Variants in GTF2E2 observed in about 807,000 individuals in gnomAD.
The protein encoded by GTF2E2 is general transcription factor IIE subunit 2.
Under a neutral mutation model 40.5 loss-of-function variants are expected in GTF2E2, and 21 were observed. The observed-to-expected ratio is 0.52, with a 90% CI of 0.37 to 0.75. The LOEUF (loss-of-function observed/expected upper bound fraction) is 0.75, where lower values mean the gene tolerates loss of function less well. Ranked by LOEUF, GTF2E2 falls within the 30% of genes least tolerant of loss-of-function variation. The probability of loss-of-function intolerance (pLI) is 0.00; values close to 1 mark genes in which losing one functional copy is unlikely to be tolerated. For missense variants in GTF2E2, 298 were observed against 338.4 expected, an observed-to-expected ratio of 0.88 and a Z score of 0.94; for synonymous variants, 117 against 121.6, an observed-to-expected ratio of 0.96 and a Z score of 0.25.
chr8:30,598,589 T>C (rs757778474), intron 6 of GTF2E2, among the ~76,000 whole-genome samples: 5 of 152,228 alleles, frequency 3.3e-5, no homozygotes, highest in Non-Finnish European at 7.3e-5. Context: ...TCAATGCTGT[T>C]GCAATATTTA....
chr8:30,623,779 T>C (rs1801184019), intron 3 of GTF2E2, among the ~76,000 whole-genome samples: 1 of 152,116 alleles, frequency 6.6e-6, no homozygotes, highest in African/African-American at 2.4e-5. Flanking sequence ...ATGATGAGCA[T>C]TTTTTCATGT....
intron 3 of GTF2E2, among the ~76,000 whole-genome samples, chr8:30,631,419 C>T (rs796546390): frequency 1.3e-5 from 2 of 152,158 alleles, no homozygotes; most frequent in African/African-American, 4.8e-5. Context: ...ATTAGGGAGG[C>T]TGATTCCTTT....
At chr8:30,609,313 A>G (rs1585960782) in intron 5 of GTF2E2, among the ~76,000 whole-genome samples, 1 of 147,144 alleles carries the variant, frequency 6.8e-6, no homozygotes, top group East Asian at 2.0e-4. Context: ...TACTCACTGG[A>G]GCATTTTGGA....
chr8:30,617,844 G>C (rs960541350), intron 3 of GTF2E2, among the ~76,000 whole-genome samples: 2 of 152,002 alleles, frequency 1.3e-5, no homozygotes, highest in Non-Finnish European at 2.9e-5. Context: ...GACCTTGAAT[G>C]ACGACATGAT....
chr8:30,631,410 T>C (rs1440174263), intron 3 of GTF2E2, among the ~76,000 whole-genome samples: 3 of 152,206 alleles, frequency 2.0e-5, no homozygotes, highest in Non-Finnish European at 4.4e-5. Flanking sequence ...ACAATATCAA[T>C]TAGGGAGGCT....
intron 3 of GTF2E2, 84 bp downstream of exon 3, chr8:30,634,948 A>G: frequency 1.4e-6 from 1 of 709,704 alleles, no homozygotes; most frequent in Non-Finnish European, 2.4e-6. Flanking sequence ...TGATGTATAC[A>G]GAAATTTAAC....
At chr8:30,610,060 G>A (rs1042114867) in intron 5 of GTF2E2, among the ~76,000 whole-genome samples, 1 of 152,116 alleles carries the variant, frequency 6.6e-6, no homozygotes, top group African/African-American at 2.4e-5. Context: ...TTATAGCATT[G>A]CAAGAATAGA....
chr8:30,623,733 T>C (rs1413045715), intron 3 of GTF2E2, among the ~76,000 whole-genome samples: 3 of 152,192 alleles, frequency 2.0e-5, no homozygotes, highest in African/African-American at 4.8e-5. Context: ...TGGTATCTCA[T>C]TGTGGTTTTG....
intron 3 of GTF2E2, among the ~76,000 whole-genome samples, chr8:30,624,734 TG>T (rs1230348602): frequency 6.6e-6 from 1 of 152,078 alleles, no homozygotes; most frequent in Non-Finnish European, 1.5e-5. Flanking sequence ...TCACATCCCT[TG>T]TAAGTTGGAT....
chr8:30,625,347 T>A (rs1801239603), intron 3 of GTF2E2, among the ~76,000 whole-genome samples: 1 of 152,142 alleles, frequency 6.6e-6, no homozygotes, highest in African/African-American at 2.4e-5. Context: ...CAGCCTTGCA[T>A]CCCAGGGTGA....
intron 6 of GTF2E2, among the ~76,000 whole-genome samples, chr8:30,602,754 CAAA>C (rs35330702): frequency 1.1e-5 from 1 of 91,994 alleles, no homozygotes; most frequent in African/African-American, 4.8e-5. Context: ...AACTCCGTCT[CAAA>C]AAAAAAAAAA....
intron 2 of GTF2E2, among the ~76,000 whole-genome samples, chr8:30,652,473 A>G (rs547757210): frequency 2.0e-5 from 3 of 152,276 alleles, no homozygotes; most frequent in African/African-American, 7.2e-5. Context: ...ACAATGTTCA[A>G]CATCATTACT....
In GTF2E2 at chr8:30,653,516, G is replaced by A; in HGVS notation, c.83C>T (p.Ser28Phe). ...STPVVEKRSA[S>F]SESSSSSSKK... ...TGACGATGATGATGATGACTCAGAAGATGCTGAACGTTTTTCTACTACAGG... is the reference window on the plus strand; with the variant it reads ...TGACGATGATGATGATGACTCAGAAAATGCTGAACGTTTTTCTACTACAGG... The change falls in exon 2 of 8, where the codon TCT becomes TTT. Residue 28 changes from serine to phenylalanine, a missense_variant. Ser to Phe is a radical substitution (Grantham distance 155, BLOSUM62 -2). Transcript: ENST00000355904. 4 of 1,613,168 alleles carry A rather than the reference G, an allele frequency of 2.5e-6. No homozygotes were observed. The highest frequency in any genetic ancestry group is 1.1e-5 in the South Asian group (1 of 91,042).
In GTF2E2 at chr8:30,658,170, T is replaced by C. The variant is rs1802509318; in HGVS notation, c.-202A>G. The C allele has an allele frequency of 1.1e-5, 2 of 179,490 alleles. No homozygotes were observed. Among genetic ancestry groups the C allele is most frequent in the Non-Finnish European group, 2.3e-5 (2 of 88,718 alleles). The allele number at this position is 179,490 out of a possible 1,614,324, so 11.1% of individuals were successfully genotyped here. A position where few individuals can be genotyped will look rare whatever the true frequency, so the allele number is the denominator to read the frequency against. ...GCGGCGGCGGCGGCGGCAGCGGCGGTAGCTGAGGCGGCGACTGGACCCGGG... is the reference window on the plus strand; with the variant it reads ...GCGGCGGCGGCGGCGGCAGCGGCGGCAGCTGAGGCGGCGACTGGACCCGGG... On this transcript the variant is annotated 5_prime_UTR_variant, in exon 1 of 8. Coordinates refer to ENST00000355904, the MANE Select transcript of GTF2E2 (RefSeq NM_002095.6).
At chr8:30,625,428 C>T (rs1415063853) in intron 3 of GTF2E2, among the ~76,000 whole-genome samples, 1 of 152,060 alleles carries the variant, frequency 6.6e-6, no homozygotes, top group Non-Finnish European at 1.5e-5. Context: ...CTCTAAGGTT[C>T]CACAAGAAAT....
intron 2 of GTF2E2, among the ~76,000 whole-genome samples, chr8:30,639,818 A>G (rs1283278733): frequency 2.0e-5 from 3 of 151,740 alleles, no homozygotes; most frequent in Non-Finnish European, 4.4e-5. Context: ...GCATTCAGCT[A>G]GCCTGAGCAA....
chr8:30,578,703 G>A lies in GTF2E2; in HGVS notation c.*218C>T, dbSNP rs1383142724. ...TGCCACGCTCAGCGCCTTTCTCCCA[G>A]GGAGTAACAGAAGGTTAACAGGGAA... On this transcript the variant is annotated 3_prime_UTR_variant, in exon 8 of 8. Coordinates refer to ENST00000355904, the MANE Select transcript of GTF2E2 (RefSeq NM_002095.6). 2.3e-6 allele frequency: 1 copy of A among 439,526 alleles called. No individual in the cohort carries two copies. The highest frequency in any genetic ancestry group is 2.0e-5 in the African/African-American group (1 of 50,152). The allele number at this position is 439,526 out of a possible 1,614,324, so 27.2% of individuals were successfully genotyped here.
chr8:30,614,658 T>C lies in GTF2E2; in HGVS notation c.316A>G (p.Thr106Ala). 6.2e-7 allele frequency: 1 copy of C among 1,610,936 alleles called. No homozygotes were observed. Among genetic ancestry groups the C allele is most frequent in the Non-Finnish European group, 8.5e-7 (1 of 1,177,260 alleles). Residue 106 changes from threonine (T) to alanine (A), a missense_variant, in exon 4 of 8, where the codon ACA becomes GCA. Physicochemically the swap from Thr to Ala is moderately conservative, Grantham distance 58. Transcript: ENST00000355904. Reference protein sequence around the residue: ...PLTLDEILDETQHLDIGLKQK... With the variant: ...PLTLDEILDEAQHLDIGLKQK... The stretch of plus-strand genomic sequence containing the variant: ...TTGAGTCCAATATCTAAATGTTGTG[T>C]TTCATCCAAAATTTCATCTAAGGTT...
At chr8:30,620,142 C>T (rs1417011731) in intron 3 of GTF2E2, among the ~76,000 whole-genome samples, 1 of 151,888 alleles carries the variant, frequency 6.6e-6, no homozygotes, top group Non-Finnish European at 1.5e-5. Context: ...TTTGAACCTC[C>T]GACTTCCAAA....
Sources: gnomAD v4.1 joint callset for allele counts (sites outside exome capture counted in the v4.1 genomes callset) on GRCh38, gnomAD v4.1.1 for gene constraint, MANE v1.5 for transcripts, NCBI Gene and HGNC (gene_info 2026-07-23, HGNC 2026-07-21) for gene names.